Variants in DDI2 observed in about 807,000 individuals in gnomAD.
DDI2 encodes the protein protein DDI1 homolog 2.
A neutral mutation model predicts 48.1 loss-of-function variants in DDI2; 5 were observed. That is an observed-to-expected ratio of 0.10 (90% CI 0.05 to 0.22). The LOEUF (loss-of-function observed/expected upper bound fraction) is 0.22, where lower values mean the gene tolerates loss of function less well. Ranked by LOEUF, DDI2 falls within the 10% of genes least tolerant of loss-of-function variation. DDI2 has a pLI of 1.00. For missense variants in DDI2, 285 were observed against 506.2 expected (o/e 0.56, Z 4.19); for synonymous variants, 205 against 183.6 (o/e 1.12, Z -0.94).
At chr1:15,649,666 C>T (rs923158723) in intron 6 of DDI2, 54 bp from the exon 7 acceptor site, 31 of 1,559,312 alleles carry the variant, frequency 2.0e-5, no homozygotes, top group Admixed American at 3.7e-5. Context: ...AGCGAAACTC[C>T]GTCTCTGTTT....
chr1:15,656,407 G>C, intron 8 of DDI2: 1 of 1,415,090 alleles, frequency 7.1e-7, no homozygotes, highest in Admixed American at 3.1e-5. Context: ...TTAAAAATCT[G>C]TTGAAATTAA....
At position 15,659,976 on chromosome 1, in the gene DDI2, A is replaced by G. The variant is rs1219187596; in HGVS notation, c.*186A>G. The G allele has an allele frequency of 6.2e-7, 1 of 1,614,188 alleles. No homozygotes were observed. Among genetic ancestry groups the G allele is most frequent in the South Asian group, 1.1e-5 (1 of 91,084 alleles). ...GTCTTGCTCGCTCTGTCTCTGCTTC[A>G]GTCTGCCCTATCAAGCCCAGTGACT... On this transcript the variant is annotated 3_prime_UTR_variant, in exon 10 of 10. Coordinates refer to ENST00000480945, the MANE Select transcript of DDI2 (RefSeq NM_032341.5).
At chr1:15,652,807 A>G (rs1440718232) in intron 8 of DDI2, among the ~76,000 whole-genome samples, 1 of 150,660 alleles carries the variant, frequency 6.6e-6, no homozygotes, top group East Asian at 1.9e-4. Context: ...TGGGTAAGAG[A>G]GCGAGACTCC....
chr1:15,655,269 T>C (rs1002247477), intron 8 of DDI2, among the ~76,000 whole-genome samples: 1 of 152,184 alleles, frequency 6.6e-6, no homozygotes, highest in Non-Finnish European at 1.5e-5. Context: ...AACATCGACT[T>C]CCTAATATCA....
chr1:15,632,241 G>T (rs1557614732), intron 3 of DDI2, among the ~76,000 whole-genome samples: 1 of 152,032 alleles, frequency 6.6e-6, no homozygotes, highest in Non-Finnish European at 1.5e-5. Flanking sequence ...GGTGATGATG[G>T]GGCATTTAAG....
At chr1:15,626,972 T>A in intron 2 of DDI2, 174 bp downstream of exon 2, 1 of 808,752 alleles carries the variant, frequency 1.2e-6, no homozygotes, top group Non-Finnish European at 1.9e-6. Flanking sequence ...TAAATTGGTT[T>A]CCTCTTCTAT....
Position 15,649,836 on chromosome 1 carries a change from T to G in DDI2, c.993+13T>G, listed in dbSNP as rs762340761. ...TAAACGGCACCAGGTAATTAAGAGC[T>G]TCACTTATTTTTTTTGCATCTGCTT... is the stretch of plus-strand genomic sequence containing the variant. On this transcript the variant is annotated intron_variant, in intron 7 of 9. Transcript: ENST00000480945. The G allele has an allele frequency of 1.3e-6, 2 of 1,599,854 alleles. No individual in the cohort carries two copies. Among genetic ancestry groups the G allele is most frequent in the Non-Finnish European group, 1.7e-6 (2 of 1,175,616 alleles).
chr1:15,649,936 A>G, intron 7 of DDI2, 113 bp downstream of exon 7: 2 of 1,014,398 alleles, frequency 2.0e-6, no homozygotes, highest in Non-Finnish European at 2.8e-6. Context: ...CGACTTTTCA[A>G]ACCTGGAAAT....
At chr1:15,625,890 T>G (rs1639746152) in intron 1 of DDI2, among the ~76,000 whole-genome samples, 1 of 152,220 alleles carries the variant, frequency 6.6e-6, no homozygotes, top group African/African-American at 2.4e-5. Flanking sequence ...GTGCTGGAAT[T>G]ACAGGCGTGA....
Position 15,633,504 on chromosome 1 carries a change from C to T in DDI2, c.571C>T (p.Arg191Cys), listed in dbSNP as rs772339357. The change falls in exon 4 of 10, where the codon CGT becomes TGT. Residue 191 changes from arginine to cysteine, a missense_variant. Arg to Cys is a radical substitution (Grantham distance 180). Transcript: ENST00000480945. ...DRARREQERI[R>C]LFSADPFDLE... is the part of the protein sequence containing the mutation. ...AGCCCGGAGAGAGCAAGAAAGGATT[C>T]GTCTGTTTTCTGCTGATCCCTTTGA... The T allele has an allele frequency of 1.2e-6, 2 of 1,613,686 alleles. No individual in the cohort carries two copies. Among genetic ancestry groups the T allele is most frequent in the East Asian group, 4.5e-5 (2 of 44,860 alleles).
chr1:15,652,457 G>C lies in DDI2; in HGVS notation c.1183+562G>C, dbSNP rs985793133. Among the ~76,000 whole-genome samples, 64 of 102,014 alleles carry C rather than the reference G, an allele frequency of 6.3e-4. 14 individuals are homozygous for C. Among genetic ancestry groups the C allele is most frequent in the African/African-American group, 1.9e-3 (54 of 27,996 alleles). The allele number at this position is 102,014 out of a possible 152,430, so 66.9% of individuals were successfully genotyped here. ...ACTTTGGGAGGCTCCGGAGGGGGGG[G>C]GGGGGGGGCGGATCACCTGAGGTCA... On this transcript the variant is annotated intron_variant, in intron 8 of 9. Coordinates refer to ENST00000480945, the MANE Select transcript of DDI2 (RefSeq NM_032341.5).
chr1:15,624,164 G>A (rs1426119750), intron 1 of DDI2, among the ~76,000 whole-genome samples: 3 of 152,244 alleles, frequency 2.0e-5, no homozygotes, highest in African/African-American at 7.2e-5. Flanking sequence ...AAATTAAAGA[G>A]TAGGTTGTTG....
At position 15,661,339 on chromosome 1, in the gene DDI2, GA is replaced by G. The variant is rs562988535; in HGVS notation, c.*1552del. On this transcript the variant is annotated 3_prime_UTR_variant, in exon 10 of 10. Transcript: ENST00000480945. ...TCAGTTACACTGCACCTTAGGTGTA[GA>G]AATTTCACCCAAACTTTTAGCAGGT... 26 of 1,614,120 alleles carry G rather than the reference GA, an allele frequency of 1.6e-5. No individual in the cohort carries two copies. The South Asian group carries it at 2.6e-4, about 16-fold the overall frequency.
intron 1 of DDI2, among the ~76,000 whole-genome samples, chr1:15,618,882 G>A (rs1445598175): frequency 6.6e-6 from 1 of 152,166 alleles, no homozygotes; most frequent in East Asian, 1.9e-4. Context: ...TTTACAAAAC[G>A]ATTGCCCAAC....
chr1:15,649,898 T>C lies in DDI2; in HGVS notation c.993+75T>C, dbSNP rs1363778690. The C allele has an allele frequency of 6.4e-6, 9 of 1,397,934 alleles. No individual in the cohort carries two copies. The East Asian group carries it at 2.2e-4, about 34-fold the overall frequency. The allele number at this position is 1,397,934 out of a possible 1,614,324, so 86.6% of individuals were successfully genotyped here. Reference sequence around the variant, plus strand: ...GTCATTATCACATTATTTTTATTGGTTACATATACTGGAAAACTAAGAAAT... The same window carrying C: ...GTCATTATCACATTATTTTTATTGGCTACATATACTGGAAAACTAAGAAAT... On this transcript the variant is annotated intron_variant, in intron 7 of 9. Transcript: ENST00000480945.
chr1:15,646,413 A>G (rs1285832769), intron 6 of DDI2, among the ~76,000 whole-genome samples: 4 of 151,920 alleles, frequency 2.6e-5, no homozygotes, highest in Non-Finnish European at 4.4e-5. Context: ...AGGGCTGGGC[A>G]TGGTGGCTCA....
chr1:15,666,382 G>T lies in DDI2; in HGVS notation c.*6592G>T, dbSNP rs1640452216. 1 of 152,160 alleles carries T rather than the reference G, an allele frequency of 6.6e-6. No homozygotes were observed. The highest frequency in any genetic ancestry group is 1.9e-4 in the East Asian group (1 of 5,200). 9.4% of individuals were successfully genotyped at this position (152,160 alleles called of 1,614,324 possible). A position where few individuals can be genotyped will look rare whatever the true frequency, so the allele number is the denominator to read the frequency against. ...GGAGGGCACACAGAGTGGTCCTCAGGCTCACCTTGACTGAGTTGATTCACA... is the reference window on the plus strand; with the variant it reads ...GGAGGGCACACAGAGTGGTCCTCAGTCTCACCTTGACTGAGTTGATTCACA... On this transcript the variant is annotated 3_prime_UTR_variant, in exon 10 of 10. Transcript: ENST00000480945.
intron 8 of DDI2, among the ~76,000 whole-genome samples, chr1:15,654,723 A>G (rs548991332): frequency 1.3e-5 from 2 of 152,054 alleles, no homozygotes; most frequent in South Asian, 2.1e-4. Context: ...TATATTAACT[A>G]CAGTTTTGGT....
intron 1 of DDI2, 152 bp downstream of exon 1, chr1:15,617,960 G>A: frequency 8.0e-7 from 1 of 1,252,006 alleles, no homozygotes; most frequent in Non-Finnish European, 1.1e-6. Context: ...AAAGGAGCTG[G>A]GGAGCTGGCA....
Sources: allele counts gnomAD v4.1 joint callset (sites outside exome capture counted in the v4.1 genomes callset), GRCh38; gene constraint gnomAD v4.1.1; transcripts MANE v1.5; gene names NCBI Gene and HGNC (gene_info 2026-07-23, HGNC 2026-07-21).